Variants in HTT observed in about 807,000 individuals in gnomAD.
HTT encodes the protein huntington disease protein.
HTT carries 104 observed loss-of-function variants against 362.3 expected under a neutral mutation model. The ratio of observed to expected loss-of-function variants is 0.29; its 90% confidence interval spans 0.24 to 0.34. The LOEUF (loss-of-function observed/expected upper bound fraction) is 0.34. Ranked by LOEUF, HTT falls within the 10% of genes least tolerant of loss-of-function variation. The pLI, the probability that HTT is intolerant of heterozygous loss-of-function variation, is 1.00. For synonymous variants in HTT, 1,577 were observed against 1,548.7 expected, an observed-to-expected ratio of 1.02 and a Z score of -0.43; for missense variants, 3,301 against 3,928.6, an observed-to-expected ratio of 0.84 and a Z score of 4.27.
chr4:3,189,565 T>C (rs553795444), intron 40 of HTT, among the ~76,000 whole-genome samples: 68 of 152,308 alleles, frequency 4.5e-4, no homozygotes, highest in Middle Eastern at 6.8e-3. Flanking sequence ...ATGAGGGACC[T>C]GGAGTAGTTA....
rs773579794 is a variant in HTT at position 3,134,524 on chromosome 4, G to T, written c.2617G>T (p.Ala873Ser). 6.2e-7 allele frequency: 1 copy of T among 1,613,390 alleles called. No individual in the cohort carries two copies. The highest frequency in any genetic ancestry group is 8.5e-7 in the Non-Finnish European group (1 of 1,179,728). ...GAGGACAGAGCTTCTGGAAACCCTT[G>T]CAGAGATTGACTTCAGGTAAGTGAG... ...LVRTELLETL[A>S]EIDFRLVSFL... Residue 873 changes from alanine (A) to serine (S), a missense_variant, in exon 19 of 67, where the codon GCA (alanine) becomes TCA (serine). Ala to Ser is a moderately conservative substitution (Grantham distance 99). Transcript: ENST00000355072.
chr4:3,236,439 AC>A (rs1450655399), intron 64 of HTT, among the ~76,000 whole-genome samples, 185 bp downstream of exon 64: 2 of 151,830 alleles, frequency 1.3e-5, no homozygotes, highest in African/African-American at 4.8e-5. Flanking sequence ...TGGTCCTTGG[AC>A]CCCAGCACTC....
chr4:3,223,301 A>C, intron 54 of HTT, 105 bp from the exon 55 acceptor site: 1 of 1,143,126 alleles, frequency 8.7e-7, no homozygotes, highest in East Asian at 2.5e-5. Context: ...GTAGCACTTA[A>C]GGCTCCTCTT....
intron 2 of HTT, among the ~76,000 whole-genome samples, chr4:3,090,288 G>A (rs1457917921): frequency 6.6e-6 from 1 of 152,192 alleles, no homozygotes; most frequent in Non-Finnish European, 1.5e-5. Context: ...CCTAAGTATG[G>A]ATGAGCATCA....
intron 12 of HTT, chr4:3,128,305 C>G (rs1715619054): frequency 6.6e-6 from 1 of 152,228 alleles, no homozygotes; most frequent in East Asian, 1.9e-4. Context: ...CTCTTGTTAT[C>G]TAATACCCCT....
At chr4:3,140,132 G>A (rs1162354792) in intron 21 of HTT, among the ~76,000 whole-genome samples, 1 of 151,952 alleles carries the variant, frequency 6.6e-6, no homozygotes, top group African/African-American at 2.4e-5. Context: ...GCGGTGGCAG[G>A]CGCCTGTAAT....
chr4:3,090,831 G>A (rs1713461436), intron 2 of HTT, among the ~76,000 whole-genome samples: 1 of 152,222 alleles, frequency 6.6e-6, no homozygotes, highest in African/African-American at 2.4e-5. Flanking sequence ...TCATCACCAG[G>A]CCTGGTGTGG....
chr4:3,187,878 AT>A lies in HTT; in HGVS notation c.5221del (p.Ser1741GlnfsTer12). 1 of 1,601,166 alleles carries A rather than the reference AT, an allele frequency of 6.2e-7. No individual in the cohort carries two copies. Among genetic ancestry groups the A allele is most frequent in the Non-Finnish European group, 8.6e-7 (1 of 1,169,012 alleles). On this transcript the variant is annotated frameshift_variant, in exon 39 of 67. Transcript: ENST00000355072. LOFTEE classifies it high-confidence loss of function. ...AAATAAAGAATTTGCCAGAAGAAAC[AT>A]TTTCAAGGTATGCTTTCTATCTGAG... ...KQIKNLPEET[F>X]SRFLLQLVGI... is the part of the protein sequence containing the mutation.
intron 6 of HTT, among the ~76,000 whole-genome samples, chr4:3,113,803 C>T (rs536757299): frequency 4.0e-5 from 6 of 151,400 alleles, no homozygotes; most frequent in African/African-American, 1.5e-4. Flanking sequence ...TCAGGGAGTC[C>T]TGTGGCTGGC....
At chr4:3,149,104 T>G (rs1716751881) in intron 26 of HTT, among the ~76,000 whole-genome samples, 1 of 152,214 alleles carries the variant, frequency 6.6e-6, no homozygotes, top group Admixed American at 6.5e-5. Context: ...GCCAAGTACC[T>G]CATTGCTGTC....
At position 3,132,088 on chromosome 4, in the gene HTT, C is replaced by T. The variant is rs535069470; in HGVS notation, c.2236+313C>T. 5.9e-5 allele frequency among the ~76,000 whole-genome samples: 9 copies of T among 152,334 alleles called. 1 individual carries two copies. In the East Asian group the frequency reaches 1.7e-3, roughly 29 times the overall value. ...GGCGCTGAGTCGCACTCAGCCAGGC[C>T]AGGCATTCACACTCAGGGTGAGTGG... On this transcript the variant is annotated intron_variant, in intron 16 of 66. Coordinates refer to ENST00000355072, the MANE Select transcript of HTT (RefSeq NM_001388492.1).
In HTT at chr4:3,128,699, A is replaced by G. The variant is rs566693048; in HGVS notation, c.1743+1095A>G. Reference sequence around the variant, plus strand: ...GACAAAAAACCCTCATGGATAGTCTAATAATGTTTGCTACAAGTCCATGTT... The same window carrying G: ...GACAAAAAACCCTCATGGATAGTCTGATAATGTTTGCTACAAGTCCATGTT... On this transcript the variant is annotated intron_variant, in intron 12 of 66. Transcript: ENST00000355072. 2.0e-5 allele frequency: 3 copies of G among 152,346 alleles called. No homozygotes were observed. In the East Asian group the frequency reaches 5.8e-4, roughly 29 times the overall value. The allele number at this position is 152,346 out of a possible 1,614,324, so 9.4% of individuals were successfully genotyped here. A position where few individuals can be genotyped will look rare whatever the true frequency, so the allele number is the denominator to read the frequency against.
chr4:3,231,127 G>T (rs948168656), intron 60 of HTT, among the ~76,000 whole-genome samples: 1 of 152,206 alleles, frequency 6.6e-6, no homozygotes, highest in African/African-American at 2.4e-5. Flanking sequence ...GGCACCTCTG[G>T]TTCCTTGTCA....
chr4:3,145,034 A>C, intron 23 of HTT, 118 bp from the exon 24 acceptor site: 1 of 798,758 alleles, frequency 1.3e-6, no homozygotes, highest in Non-Finnish European at 2.2e-6. Flanking sequence ...TGTGGTTATC[A>C]TACACAGATC....
chr4:3,233,476 C>A (rs1046100142), intron 61 of HTT, 123 bp downstream of exon 61: 19 of 965,510 alleles, frequency 2.0e-5, no homozygotes, highest in Non-Finnish European at 3.0e-5. Flanking sequence ...CAGTGGGAAC[C>A]CAGGTGGGTG....
At chr4:3,214,442 T>C (rs1720301290) in intron 50 of HTT, among the ~76,000 whole-genome samples, 2 of 152,248 alleles carry the variant, frequency 1.3e-5, no homozygotes, top group South Asian at 4.1e-4. Flanking sequence ...TTTATGTATT[T>C]AGTCTTATAT....
chr4:3,175,141 G>T, intron 33 of HTT, 34 bp downstream of exon 33: 1 of 1,577,360 alleles, frequency 6.3e-7, no homozygotes. Flanking sequence ...CATCATACCT[G>T]TTCCTAATTT....
At chr4:3,125,454 A>G (rs905153526) in intron 10 of HTT, 95 bp from the exon 11 acceptor site, 2 of 733,282 alleles carry the variant, frequency 2.7e-6, no homozygotes, top group Non-Finnish European at 4.8e-6. Context: ...AGTAAATTAA[A>G]TATTCTTATG....
chr4:3,209,786 G>A (rs1720059884), intron 46 of HTT, 41 bp from the exon 47 acceptor site: 3 of 1,607,996 alleles, frequency 1.9e-6, no homozygotes, highest in East Asian at 2.2e-5. Context: ...CCCCTTGAAC[G>A]CCGCCCATCA....
Sources: allele counts gnomAD v4.1 joint callset (sites outside exome capture counted in the v4.1 genomes callset), GRCh38; gene constraint gnomAD v4.1.1; transcripts MANE v1.5; gene names NCBI Gene and HGNC (gene_info 2026-07-23, HGNC 2026-07-21).